ACTN2: variants seen among roughly 807,000 people sequenced by gnomAD.
ACTN2 encodes the protein alpha-actinin-2.
A neutral mutation model predicts 113.8 loss-of-function variants in ACTN2; 39 were observed. The observed-to-expected ratio is 0.34, with a 90% CI of 0.27 to 0.45. The LOEUF (loss-of-function observed/expected upper bound fraction) is 0.45, where lower values mean the gene tolerates loss of function less well. Ranked by LOEUF, ACTN2 falls within the 20% of genes least tolerant of loss-of-function variation. The pLI, the probability that ACTN2 is intolerant of heterozygous loss-of-function variation, is 1.00. For synonymous variants in ACTN2, 429 were observed against 444.1 expected (o/e 0.97, Z 0.43); for missense variants, 992 against 1,177.9 (o/e 0.84, Z 2.31).
chr1:236,715,646 G>T (rs1320270899), intron 1 of ACTN2, among the ~76,000 whole-genome samples: 1 of 152,090 alleles, frequency 6.6e-6, no homozygotes, highest in Non-Finnish European at 1.5e-5. Context: ...CACACTGATT[G>T]GGTATAGATC....
intron 1 of ACTN2, among the ~76,000 whole-genome samples, chr1:236,716,108 T>G (rs1212874250): frequency 1.3e-5 from 2 of 151,706 alleles, no homozygotes; most frequent in Admixed American, 6.6e-5. Flanking sequence ...TCTTTTTTTT[T>G]TTTTTTTTGG....
Position 236,762,807 on chromosome 1 carries a change from A to C in ACTN2, c.*188A>C. 2 of 673,184 alleles carry C rather than the reference A, an allele frequency of 3.0e-6. No homozygotes were observed. Among genetic ancestry groups the C allele is most frequent in the South Asian group, 1.8e-5 (1 of 56,702 alleles). The allele number at this position is 673,184 out of a possible 1,614,324, so 41.7% of individuals were successfully genotyped here. ...AAATGAAGTTTTTACAGTATATGAC[A>C]TAGTGCGCTTCATAAATAGGTTTAT... is the stretch of plus-strand genomic sequence containing the variant. On this transcript the variant is annotated 3_prime_UTR_variant, in exon 21 of 21. Transcript: ENST00000366578.
chr1:236,719,324 G>T lies in ACTN2; in HGVS notation c.361+311G>T, dbSNP rs191655205. Among the ~76,000 whole-genome samples, 235 of 152,354 alleles carry T rather than the reference G, an allele frequency of 1.5e-3. 1 individual carries two copies. Among genetic ancestry groups the T allele is most frequent in the Admixed American group, 3.3e-3 (50 of 15,308 alleles). ...ATAAGAACTAACTAATAGGAAGGAA[G>T]TGGCCTCTTTGTTCTCTATGGGAGA... On this transcript the variant is annotated intron_variant, in intron 3 of 20. Transcript: ENST00000366578.
At chr1:236,693,660 T>C (rs1338923064) in intron 1 of ACTN2, among the ~76,000 whole-genome samples, 1 of 152,118 alleles carries the variant, frequency 6.6e-6, no homozygotes, top group African/African-American at 2.4e-5. Flanking sequence ...CCTCTTCCCC[T>C]CCCTGTGTGC....
At position 236,715,096 on chromosome 1, in the gene ACTN2, C is replaced by G. The variant is rs527494204; in HGVS notation, c.127-2762C>G. 2.6e-4 allele frequency among the ~76,000 whole-genome samples: 40 copies of G among 151,710 alleles called. 1 individual carries two copies. The South Asian group carries it at 7.8e-3, about 29-fold the overall frequency. On this transcript the variant is annotated intron_variant, in intron 1 of 20. Coordinates refer to ENST00000366578, the MANE Select transcript of ACTN2 (RefSeq NM_001103.4). ...GGTAGGGCATTGGGTAGCCAAGGAA[C>G]AAAGGTGAGAGGATGGATTTTTCTT...
intron 20 of ACTN2, among the ~76,000 whole-genome samples, chr1:236,762,060 T>G (rs1415892885): frequency 6.6e-6 from 1 of 152,200 alleles, no homozygotes; most frequent in Non-Finnish European, 1.5e-5. Flanking sequence ...TAATGTGATA[T>G]TTGAGATTTA....
chr1:236,727,297 C>A (rs1226856530), intron 5 of ACTN2, among the ~76,000 whole-genome samples: 4 of 152,082 alleles, frequency 2.6e-5, no homozygotes, highest in Non-Finnish European at 1.5e-5. Context: ...GGGTAGACGT[C>A]CTTGTGTATA....
intron 10 of ACTN2, among the ~76,000 whole-genome samples, chr1:236,740,660 G>A (rs1217217414): frequency 6.6e-6 from 1 of 151,860 alleles, no homozygotes; most frequent in Non-Finnish European, 1.5e-5. Context: ...AGCTTCCCAG[G>A]TAGCTGGGAT....
chr1:236,703,433 C>CAT (rs1289792113), intron 1 of ACTN2, among the ~76,000 whole-genome samples: 7 of 98,828 alleles, frequency 7.1e-5, no homozygotes, highest in African/African-American at 2.3e-4. Flanking sequence ...GGCCTACTAC[C>CAT]TTTTTTTTTT....
At chr1:236,702,593 G>T (rs1353586111) in intron 1 of ACTN2, among the ~76,000 whole-genome samples, 1 of 152,068 alleles carries the variant, frequency 6.6e-6, no homozygotes, top group Non-Finnish European at 1.5e-5. Flanking sequence ...CAGATGTAAA[G>T]ACTTTATTAC....
At chr1:236,759,167 A>C (rs1197385299) in intron 18 of ACTN2, among the ~76,000 whole-genome samples, 1 of 152,210 alleles carries the variant, frequency 6.6e-6, no homozygotes, top group Admixed American at 6.5e-5. Flanking sequence ...ATTGTGCAGC[A>C]GCATGCTGTG....
intron 7 of ACTN2, 94 bp from the exon 8 acceptor site, chr1:236,735,541 T>G: frequency 8.6e-7 from 1 of 1,164,550 alleles, no homozygotes; most frequent in Non-Finnish European, 1.3e-6. Context: ...AACCAATTTG[T>G]TCTTCCCTCT....
At chr1:236,693,169 GCACACATGCA>G (rs1241802827) in intron 1 of ACTN2, among the ~76,000 whole-genome samples, 2 of 82,628 alleles carry the variant, frequency 2.4e-5, no homozygotes, top group African/African-American at 4.3e-5. Flanking sequence ...ACAAACATCT[GCACACATGCA>G]CACACACACA....
At chr1:236,709,245 T>TACATAC (rs1558227402) in intron 1 of ACTN2, among the ~76,000 whole-genome samples, 1 of 81,326 alleles carries the variant, frequency 1.2e-5, no homozygotes, top group South Asian at 3.4e-4. Flanking sequence ...TATATATATA[T>TACATAC]ATATATATAT....
chr1:236,760,895 A>T, intron 19 of ACTN2, 120 bp from the exon 20 acceptor site: 1 of 1,265,578 alleles, frequency 7.9e-7, no homozygotes, highest in Non-Finnish European at 1.2e-6. Context: ...AGGGAAACGC[A>T]GGTAATAATT....
At chr1:236,695,086 G>A (rs955023063) in intron 1 of ACTN2, among the ~76,000 whole-genome samples, 1 of 151,810 alleles carries the variant, frequency 6.6e-6, no homozygotes, top group African/African-American at 2.4e-5. Flanking sequence ...AAATGTTCAG[G>A]CCGGGCACAG....
At chr1:236,703,433 C>CTTTTTTTTTTT (rs35432183) in intron 1 of ACTN2, among the ~76,000 whole-genome samples, 23 of 98,830 alleles carry the variant, frequency 2.3e-4, no homozygotes, top group South Asian at 3.7e-4. Flanking sequence ...GGCCTACTAC[C>CTTTTTTTTTTT]TTTTTTTTTT....
chr1:236,750,585 T>C (rs1404884960), intron 14 of ACTN2, among the ~76,000 whole-genome samples: 10 of 152,244 alleles, frequency 6.6e-5, no homozygotes, highest in Admixed American at 6.5e-4. Flanking sequence ...CAGTGAGGTC[T>C]TTGAGCCGCT....
intron 15 of ACTN2, 195 bp from the exon 16 acceptor site, chr1:236,753,752 A>G (rs762956549): frequency 1.4e-6 from 1 of 701,950 alleles, no homozygotes; most frequent in East Asian, 2.6e-5. Flanking sequence ...TCAAAGCTAA[A>G]TCAAGCTCAT....
Sources: gnomAD v4.1 joint callset for allele counts (sites outside exome capture counted in the v4.1 genomes callset) on GRCh38, gnomAD v4.1.1 for gene constraint, MANE v1.5 for transcripts, NCBI Gene and HGNC (gene_info 2026-07-23, HGNC 2026-07-21) for gene names.